NCOA2: variants seen among roughly 807,000 people sequenced by gnomAD.
NCOA2 encodes the protein nuclear receptor coactivator 2.
A neutral mutation model predicts 145.1 loss-of-function variants in NCOA2; 21 were observed. The observed-to-expected ratio is 0.14, with a 90% CI of 0.10 to 0.21. The LOEUF (loss-of-function observed/expected upper bound fraction) is 0.21. NCOA2 is among the 10% of genes least tolerant of loss of function. NCOA2 has a pLI of 1.00. For missense variants in NCOA2, 1,472 were observed against 1,837.6 expected (o/e 0.80, Z 3.64); for synonymous variants, 619 against 637.5 (o/e 0.97, Z 0.44).
chr8:70,112,164 C>T lies in NCOA2; in HGVS notation c.*1468G>A, dbSNP rs1048910958. The T allele has an allele frequency of 4.9e-6, 1 of 204,222 alleles. No homozygotes were observed. The highest frequency in any genetic ancestry group is 1.9e-4 in the South Asian group (1 of 5,274). 12.7% of individuals were successfully genotyped at this position (204,222 alleles called of 1,614,324 possible). Reference sequence around the variant, plus strand: ...CATATCATATAGATTAGATAAATGACTTATAAGCAGAATCACAAGGTTTAG... The same window carrying T: ...CATATCATATAGATTAGATAAATGATTTATAAGCAGAATCACAAGGTTTAG... On this transcript the variant is annotated 3_prime_UTR_variant, in exon 23 of 23. Transcript: ENST00000452400.
intron 4 of NCOA2, among the ~76,000 whole-genome samples, chr8:70,204,825 C>A (rs922244688): frequency 6.6e-6 from 1 of 152,086 alleles, no homozygotes; most frequent in Non-Finnish European, 1.5e-5. Flanking sequence ...AACCCTGTCT[C>A]TACTAAAAAT....
chr8:70,421,892 C>T, the NCOA2 span, among the ~76,000 whole-genome samples: 16,699 of 151,876 alleles, frequency 0.11, 1,070 homozygotes, highest in Middle Eastern at 0.22. Context: ...GCCAGGAGTT[C>T]GAGACTAGCC....
intron 1 of NCOA2, among the ~76,000 whole-genome samples, chr8:70,395,735 T>A (rs1586678918): frequency 2.0e-5 from 3 of 152,166 alleles, no homozygotes; most frequent in East Asian, 3.8e-4. Flanking sequence ...GTAAAGACAA[T>A]CCTCATTTAG....
chr8:70,123,799 G>C lies in NCOA2; in HGVS notation c.4293+85C>G, dbSNP rs1220885587. 3 of 1,191,010 alleles carry C rather than the reference G, an allele frequency of 2.5e-6. No homozygotes were observed. The African/African-American group carries it at 4.6e-5, about 18-fold the overall frequency. The allele number at this position is 1,191,010 out of a possible 1,614,324, so 73.8% of individuals were successfully genotyped here. A position where few individuals can be genotyped will look rare whatever the true frequency, so the allele number is the denominator to read the frequency against. Reference sequence around the variant, plus strand: ...ATGTGGGAGTTGGTGGCTAAAGTCAGATACATGGAAAGATATATTTGATGC... The same window carrying C: ...ATGTGGGAGTTGGTGGCTAAAGTCACATACATGGAAAGATATATTTGATGC... On this transcript the variant is annotated intron_variant, in intron 21 of 22. Coordinates refer to ENST00000452400, the MANE Select transcript of NCOA2 (RefSeq NM_006540.4).
chr8:70,125,685 A>G (rs374452083), intron 19 of NCOA2, among the ~76,000 whole-genome samples: 4 of 152,368 alleles, frequency 2.6e-5, no homozygotes, highest in East Asian at 1.9e-4. Context: ...TTAAAAATAA[A>G]TAGCTGTATT....
At chr8:70,348,638 T>C (rs1808891010) in intron 1 of NCOA2, among the ~76,000 whole-genome samples, 1 of 152,174 alleles carries the variant, frequency 6.6e-6, no homozygotes, top group African/African-American at 2.4e-5. Flanking sequence ...CAGTAGAATG[T>C]ACAGCTTTGC....
chr8:70,149,261 G>T (rs962069076), intron 11 of NCOA2, among the ~76,000 whole-genome samples: 1 of 151,192 alleles, frequency 6.6e-6, no homozygotes, highest in Admixed American at 6.6e-5. Flanking sequence ...CTGAGAAAGG[G>T]TCTTGCTCTG....
At chr8:70,260,768 GA>G (rs1173679425) in intron 2 of NCOA2, among the ~76,000 whole-genome samples, 1 of 152,092 alleles carries the variant, frequency 6.6e-6, no homozygotes, top group African/African-American at 2.4e-5. Flanking sequence ...ATTTTAAAGG[GA>G]ATCTATTCCT....
At chr8:70,422,092 T>C in the NCOA2 span, among the ~76,000 whole-genome samples, 2 of 150,162 alleles carry the variant, frequency 1.3e-5, no homozygotes, top group Admixed American at 6.6e-5. Flanking sequence ...AAGACTCCGG[T>C]CTCGAAAAAA....
At chr8:70,259,331 T>C (rs1179837919) in intron 2 of NCOA2, among the ~76,000 whole-genome samples, 1 of 152,202 alleles carries the variant, frequency 6.6e-6, no homozygotes. Context: ...TCATGTTATA[T>C]CATGGTTATT....
intron 2 of NCOA2, among the ~76,000 whole-genome samples, chr8:70,239,876 G>A (rs1478974283): frequency 6.6e-6 from 1 of 152,220 alleles, no homozygotes; most frequent in East Asian, 1.9e-4. Context: ...CACAGTGAGA[G>A]TGTGAACAGG....
Position 70,370,175 on chromosome 8 carries a change from G to A in NCOA2, c.-77+33525C>T, listed in dbSNP as rs1356595782. Among the ~76,000 whole-genome samples the A allele has an allele frequency of 2.6e-5, 4 of 152,060 alleles. No individual in the cohort carries two copies. The South Asian group carries it at 6.2e-4, about 24-fold the overall frequency. Reference sequence around the variant, plus strand: ...GCTGGGATTACAGCTGTGAACCACCGTGCCCAGCCTTTAAACTAAATATTT... The same window carrying A: ...GCTGGGATTACAGCTGTGAACCACCATGCCCAGCCTTTAAACTAAATATTT... On this transcript the variant is annotated intron_variant, in intron 1 of 22. Coordinates refer to ENST00000452400, the MANE Select transcript of NCOA2 (RefSeq NM_006540.4).
intron 1 of NCOA2, among the ~76,000 whole-genome samples, chr8:70,371,883 G>A (rs1811254799): frequency 6.6e-6 from 1 of 152,114 alleles, no homozygotes; most frequent in Non-Finnish European, 1.5e-5. Flanking sequence ...TTTTAAAAGT[G>A]CATTATTAGA....
chr8:70,151,113 G>A (rs1411056534), intron 11 of NCOA2, among the ~76,000 whole-genome samples: 1 of 152,166 alleles, frequency 6.6e-6, no homozygotes, highest in African/African-American at 2.4e-5. Flanking sequence ...GTTGCCTCTT[G>A]AGAAAGCTCT....
chr8:70,399,645 G>A (rs1054801427), intron 1 of NCOA2, among the ~76,000 whole-genome samples: 2 of 152,162 alleles, frequency 1.3e-5, no homozygotes, highest in Non-Finnish European at 2.9e-5. Flanking sequence ...TTAAATAGCA[G>A]TTTTTTCATA....
intron 1 of NCOA2, among the ~76,000 whole-genome samples, chr8:70,385,214 A>G (rs553072119): frequency 5.9e-4 from 90 of 152,344 alleles, no homozygotes; most frequent in African/African-American, 2.1e-3. Context: ...ATAATACCAA[A>G]TAACTAACCA....
chr8:70,202,205 T>C (rs1817966973), intron 4 of NCOA2, among the ~76,000 whole-genome samples: 1 of 152,108 alleles, frequency 6.6e-6, no homozygotes, highest in South Asian at 2.1e-4. Flanking sequence ...GGTGAGAGTA[T>C]GGGAAAATGG....
At chr8:70,324,136 G>A (rs1431634594) in intron 1 of NCOA2, among the ~76,000 whole-genome samples, 1 of 152,080 alleles carries the variant, frequency 6.6e-6, no homozygotes, top group African/African-American at 2.4e-5. Context: ...TAAGTAAGCT[G>A]GTGATTATTC....
chr8:70,290,239 T>C (rs1826563272), intron 2 of NCOA2, among the ~76,000 whole-genome samples: 1 of 147,040 alleles, frequency 6.8e-6, no homozygotes, highest in Non-Finnish European at 1.5e-5. Context: ...CAGGCTAGAG[T>C]GCAGTGGCGC....
Sources: allele counts gnomAD v4.1 joint callset (sites outside exome capture counted in the v4.1 genomes callset), GRCh38; gene constraint gnomAD v4.1.1; transcripts MANE v1.5; gene names NCBI Gene and HGNC (gene_info 2026-07-23, HGNC 2026-07-21).